WDPCP: variants seen among roughly 807,000 people sequenced by gnomAD.
WDPCP encodes the protein WD repeat-containing and planar cell polarity effector protein fritz homolog.
A neutral mutation model predicts 93.1 loss-of-function variants in WDPCP; 71 were observed. That is an observed-to-expected ratio of 0.76 (90% confidence interval 0.63 to 0.93). The LOEUF (loss-of-function observed/expected upper bound fraction) is 0.93. Among genes scored for constraint, WDPCP ranks in the 40% least tolerant of loss-of-function variants. WDPCP has a pLI of 0.00. For synonymous variants in WDPCP, 315 were observed against 315.0 expected, an observed-to-expected ratio of 1.00 and a Z score of 0.00; for missense variants, 844 against 887.4, an observed-to-expected ratio of 0.95 and a Z score of 0.62.
chr2:63,215,710 G>A (rs531005870), intron 14 of WDPCP, among the ~76,000 whole-genome samples: 1 of 152,286 alleles, frequency 6.6e-6, no homozygotes, highest in South Asian at 2.1e-4. Context: ...ATTGACAAAT[G>A]GGATCTAATT....
At chr2:63,572,364 G>C (rs765463323) in intron 1 of WDPCP, among the ~76,000 whole-genome samples, 1 of 152,038 alleles carries the variant, frequency 6.6e-6, no homozygotes, top group Admixed American at 6.6e-5. Flanking sequence ...AGATAAAAAG[G>C]GTATCCAGCT....
At chr2:63,667,678 T>C (rs1478936860) in intron 2 of WDPCP, among the ~76,000 whole-genome samples, 1 of 152,084 alleles carries the variant, frequency 6.6e-6, no homozygotes, top group Non-Finnish European at 1.5e-5. Flanking sequence ...TTTTGCAGGG[T>C]AGGTTGGAGA....
chr2:63,146,851 G>A (rs955215411), intron 17 of WDPCP, among the ~76,000 whole-genome samples: 10 of 152,172 alleles, frequency 6.6e-5, no homozygotes, highest in Non-Finnish European at 1.2e-4. Flanking sequence ...AAGTGATAAC[G>A]CAATTATTGT....
At chr2:63,515,879 G>A (rs1702518327) in intron 1 of WDPCP, among the ~76,000 whole-genome samples, 1 of 152,070 alleles carries the variant, frequency 6.6e-6, no homozygotes, top group Non-Finnish European at 1.5e-5. Context: ...AATTAGCTGG[G>A]CGTGGTGGTG....
chr2:63,396,160 T>C (rs1276605585), intron 10 of WDPCP, among the ~76,000 whole-genome samples: 3 of 152,204 alleles, frequency 2.0e-5, no homozygotes, highest in African/African-American at 7.2e-5. Context: ...TCATTTTAAA[T>C]GATATGAGAT....
chr2:63,322,934 C>A (rs910851897), intron 12 of WDPCP, among the ~76,000 whole-genome samples: 30 of 152,362 alleles, frequency 2.0e-4, no homozygotes, highest in Non-Finnish European at 8.8e-5. Flanking sequence ...ACTAGCGCAG[C>A]TGCCAGACTA....
chr2:63,504,436 AT>A (rs1701743860), intron 1 of WDPCP, among the ~76,000 whole-genome samples: 1 of 151,600 alleles, frequency 6.6e-6, no homozygotes, highest in South Asian at 2.1e-4. Flanking sequence ...TCCAGAGTCC[AT>A]GTATCTCCTC....
intron 1 of WDPCP, among the ~76,000 whole-genome samples, chr2:63,824,124 C>T (rs1305586722): frequency 6.6e-6 from 1 of 151,982 alleles, no homozygotes; most frequent in African/African-American, 2.4e-5. Flanking sequence ...GGTAGTTTCC[C>T]CCATGCCGTT....
chr2:63,370,554 GA>G (rs1357096170), intron 12 of WDPCP, among the ~76,000 whole-genome samples: 1 of 151,878 alleles, frequency 6.6e-6, no homozygotes, highest in Non-Finnish European at 1.5e-5. Flanking sequence ...AAATGCATTT[GA>G]TAAAAAGGAC....
At chr2:63,208,993 T>C (rs1046091413) in intron 14 of WDPCP, among the ~76,000 whole-genome samples, 2 of 152,126 alleles carry the variant, frequency 1.3e-5, no homozygotes, top group African/African-American at 4.8e-5. Flanking sequence ...CTGGCAAGGG[T>C]TGTATCTGGC....
chr2:63,688,777 TA>T (rs1668848811), intron 2 of WDPCP, among the ~76,000 whole-genome samples: 1 of 151,920 alleles, frequency 6.6e-6, no homozygotes, highest in Admixed American at 6.6e-5. Flanking sequence ...TCACAAAAAT[TA>T]AAAATTAAAA....
At chr2:63,231,431 C>G (rs1240068738) in intron 14 of WDPCP, among the ~76,000 whole-genome samples, 1 of 152,138 alleles carries the variant, frequency 6.6e-6, no homozygotes, top group Non-Finnish European at 1.5e-5. Context: ...TTAGAAAACC[C>G]CATCATCTCA....
intron 12 of WDPCP, among the ~76,000 whole-genome samples, chr2:63,330,472 A>T (rs1687897536): frequency 6.6e-6 from 1 of 151,664 alleles, no homozygotes; most frequent in African/African-American, 2.4e-5. Flanking sequence ...TATATTTTAG[A>T]TATTGACTCC....
intron 6 of WDPCP, among the ~76,000 whole-genome samples, chr2:63,458,151 G>T (rs1467745590): frequency 2.0e-5 from 3 of 148,686 alleles, no homozygotes; most frequent in Admixed American, 2.0e-4. Context: ...AAAAAAACTG[G>T]AATAAGACAA....
intron 3 of WDPCP, among the ~76,000 whole-genome samples, chr2:63,635,161 A>G (rs987107924): frequency 6.6e-6 from 1 of 152,148 alleles, no homozygotes; most frequent in South Asian, 2.1e-4. Context: ...ACAAACTACC[A>G]AGACTGGAAC....
chr2:63,140,210 C>G (rs1282703771), intron 17 of WDPCP, among the ~76,000 whole-genome samples: 1 of 152,156 alleles, frequency 6.6e-6, no homozygotes, highest in Non-Finnish European at 1.5e-5. Flanking sequence ...GTTTTGGTGA[C>G]TATGGCCTTA....
chr2:63,569,776 T>C (rs887460419), intron 1 of WDPCP, among the ~76,000 whole-genome samples: 7 of 152,196 alleles, frequency 4.6e-5, no homozygotes, highest in African/African-American at 1.7e-4. Context: ...TGAAATTTGC[T>C]GTATCCTGGT....
chr2:63,597,255 TTCTC>T (rs1183128593), intron 3 of WDPCP: 1 of 1,231,558 alleles, frequency 8.1e-7, no homozygotes, highest in African/African-American at 1.6e-5. Context: ...TATATTATCT[TTCTC>T]AGGCTCCTGA....
intron 1 of WDPCP, among the ~76,000 whole-genome samples, chr2:63,817,696 C>T (rs1239762985): frequency 1.3e-5 from 2 of 152,114 alleles, no homozygotes; most frequent in Non-Finnish European, 2.9e-5. Flanking sequence ...TATTATCCGT[C>T]CCTTTACAAA....
Sources: gnomAD v4.1 joint callset for allele counts (sites outside exome capture counted in the v4.1 genomes callset) on GRCh38, gnomAD v4.1.1 for gene constraint, MANE v1.5 for transcripts, NCBI Gene and HGNC (gene_info 2026-07-23, HGNC 2026-07-21) for gene names.